Variants in LRRC42 observed in about 807,000 individuals in gnomAD.
The protein encoded by LRRC42 is leucine-rich repeat-containing protein 42.
LRRC42 carries 43 observed loss-of-function variants against 44.3 expected under a neutral mutation model. The observed-to-expected ratio is 0.97, with a 90% confidence interval of 0.76 to 1.25. LRRC42 has a LOEUF of 1.25. Ranked by LOEUF, LRRC42 falls within the 50% of genes most tolerant of loss-of-function variation. LRRC42 has a pLI of 0.00. For synonymous variants in LRRC42, 207 were observed against 195.2 expected (o/e 1.06, Z -0.50); for missense variants, 540 against 509.1 (o/e 1.06, Z -0.58).
chr1:53,966,341 C>T lies in LRRC42; in HGVS notation c.973C>T (p.Arg325Trp), dbSNP rs547841970. Reference sequence around the variant, plus strand: ...TGTGACTGCGGAAGCTGTGAAGCCACGGGAGACCTCGGAGCCTAGAGCAGC... The same window carrying T: ...TGTGACTGCGGAAGCTGTGAAGCCATGGGAGACCTCGGAGCCTAGAGCAGC... Reference protein sequence around the residue: ...ERVTAEAVKPRETSEPRAAAQ... With the variant: ...ERVTAEAVKPWETSEPRAAAQ... Residue 325 changes from arginine to tryptophan, a missense_variant, in exon 8 of 9, where the codon CGG becomes TGG. Physicochemically the swap from Arg to Trp is moderately radical, Grantham distance 101. Coordinates refer to ENST00000371370, the MANE Select transcript of LRRC42 (RefSeq NM_001256409.2). 26 of 1,613,948 alleles carry T rather than the reference C, an allele frequency of 1.6e-5. No individual in the cohort carries two copies. The Admixed American group carries it at 2.5e-4, about 16-fold the overall frequency.
At chr1:53,963,942 T>TTCCCCCCCCCC (rs1367185841) in intron 7 of LRRC42, among the ~76,000 whole-genome samples, 2 of 38,100 alleles carry the variant, frequency 5.2e-5, no homozygotes, top group Non-Finnish European at 5.9e-5. Context: ...TTTCCCCTCC[T>TTCCCCCCCCCC]GCCCACCCCC....
At chr1:53,959,789 T>C (rs1654945161) in intron 4 of LRRC42, among the ~76,000 whole-genome samples, 1 of 152,228 alleles carries the variant, frequency 6.6e-6, no homozygotes, top group Non-Finnish European at 1.5e-5. Context: ...TTTTAAAGTA[T>C]ATTTATCCCC....
chr1:53,957,905 CATTT>C (rs201223513), intron 3 of LRRC42, among the ~76,000 whole-genome samples: 100 of 152,120 alleles, frequency 6.6e-4, no homozygotes, highest in Admixed American at 1.8e-3. Flanking sequence ...TGCTAATATA[CATTT>C]ATTTATTTAT....
At chr1:53,963,550 A>T (rs1386421721) in intron 7 of LRRC42, among the ~76,000 whole-genome samples, 1 of 152,258 alleles carries the variant, frequency 6.6e-6, no homozygotes, top group African/African-American at 2.4e-5. Flanking sequence ...TCTCTTGAGC[A>T]GGGCTCAGGA....
chr1:53,954,208 A>G (rs1194851583), intron 3 of LRRC42, among the ~76,000 whole-genome samples: 2 of 152,238 alleles, frequency 1.3e-5, no homozygotes, highest in African/African-American at 2.4e-5. Context: ...CACAGGCCAA[A>G]TACTGTATTT....
At chr1:53,954,862 A>G (rs1654787079) in intron 3 of LRRC42, among the ~76,000 whole-genome samples, 2 of 152,232 alleles carry the variant, frequency 1.3e-5, no homozygotes, top group African/African-American at 2.4e-5. Flanking sequence ...CCTTGAAAAC[A>G]TCCATACTAT....
intron 4 of LRRC42, among the ~76,000 whole-genome samples, chr1:53,958,668 C>T (rs1439190904): frequency 6.6e-6 from 1 of 152,190 alleles, no homozygotes; most frequent in Admixed American, 6.5e-5. Flanking sequence ...CTCACCGCAA[C>T]CTCCACCTCC....
Position 53,965,021 on chromosome 1 carries a change from T to C in LRRC42, c.928-1275T>C, listed in dbSNP as rs533786223. Reference sequence around the variant, plus strand: ...TTGTTTTTTTTTGTTTTTTTTTTTTTTGGAGACAGAGTCTCGCTCTGTCGC... The same window carrying C: ...TTGTTTTTTTTTGTTTTTTTTTTTTCTGGAGACAGAGTCTCGCTCTGTCGC... On this transcript the variant is annotated intron_variant, in intron 7 of 8. Transcript: ENST00000371370. 4.5e-4 allele frequency among the ~76,000 whole-genome samples: 68 copies of C among 150,600 alleles called. 1 individual carries two copies. The highest frequency in any genetic ancestry group is 1.6e-3 in the African/African-American group (63 of 40,570).
intron 2 of LRRC42, among the ~76,000 whole-genome samples, chr1:53,950,186 G>C (rs1654633169): frequency 6.6e-6 from 1 of 152,188 alleles, no homozygotes; most frequent in Admixed American, 6.5e-5. Context: ...CCAGAAGAGG[G>C]ACGAAGTTAA....
In LRRC42 at chr1:53,962,338, CT is replaced by C. The variant is rs1557648499; in HGVS notation, c.858del (p.Val287PhefsTer7). 2 of 1,614,214 alleles carry C rather than the reference CT, an allele frequency of 1.2e-6. No individual in the cohort carries two copies. Among genetic ancestry groups the C allele is most frequent in the South Asian group, 2.2e-5 (2 of 91,090 alleles). On this transcript the variant is annotated frameshift_variant, in exon 7 of 9. Transcript: ENST00000371370. LOFTEE classifies it high-confidence loss of function. ...VKHKLQTHIG[L>X]VHSKVPLKEF... ...GCACAAGCTCCAGACCCACATAGGC[CT>C]TGTTCACTCCAAAGTGCCTTTGAAG...
intron 3 of LRRC42, among the ~76,000 whole-genome samples, chr1:53,954,623 G>T (rs1654781938): frequency 6.6e-6 from 1 of 151,982 alleles, no homozygotes; most frequent in South Asian, 2.1e-4. Context: ...TATACATTTG[G>T]GAATATATAC....
chr1:53,958,392 C>T (rs1185106339), intron 4 of LRRC42, 112 bp downstream of exon 4: 4 of 1,358,994 alleles, frequency 2.9e-6, no homozygotes, highest in Non-Finnish European at 4.0e-6. Flanking sequence ...TGTTGATTTG[C>T]TTTTTTTTCC....
At chr1:53,964,222 T>C (rs1265424942) in intron 7 of LRRC42, among the ~76,000 whole-genome samples, 9 of 151,918 alleles carry the variant, frequency 5.9e-5, no homozygotes, top group African/African-American at 1.5e-4. Flanking sequence ...GCATGACTTA[T>C]GTATTTTTCT....
intron 8 of LRRC42, 99 bp from the exon 9 acceptor site, chr1:53,967,564 CCT>C: frequency 3.6e-6 from 4 of 1,122,492 alleles, no homozygotes; most frequent in Non-Finnish European, 5.2e-6. Context: ...CAGATATCAC[CCT>C]GTTTGGGCCT....
intron 6 of LRRC42, 59 bp from the exon 7 acceptor site, chr1:53,962,237 A>G (rs993359013): frequency 6.8e-7 from 1 of 1,481,204 alleles, no homozygotes; most frequent in African/African-American, 1.4e-5. Flanking sequence ...TTTACTACTG[A>G]AAACAAGTAA....
intron 4 of LRRC42, 79 bp downstream of exon 4, chr1:53,958,359 A>G (rs2100925563): frequency 6.5e-7 from 1 of 1,545,800 alleles, no homozygotes; most frequent in East Asian, 2.3e-5. Flanking sequence ...ATCTTCAGGA[A>G]TGCTGATTAC....
intron 8 of LRRC42, among the ~76,000 whole-genome samples, chr1:53,966,876 C>T (rs572022271): frequency 1.3e-5 from 2 of 152,072 alleles, no homozygotes; most frequent in East Asian, 3.9e-4. Flanking sequence ...TATAAGGTAC[C>T]TAGAATAGTT....
At chr1:53,959,062 TAG>T (rs1654926601) in intron 4 of LRRC42, among the ~76,000 whole-genome samples, 4 of 152,150 alleles carry the variant, frequency 2.6e-5, no homozygotes, top group Admixed American at 6.5e-5. Context: ...TTTGTACTTT[TAG>T]TAGAGACGGG....
In LRRC42 at chr1:53,967,333, A is replaced by T. The variant is rs191877423; in HGVS notation, c.1013-332A>T. Among the ~76,000 whole-genome samples the T allele has an allele frequency of 5.8e-3, 885 of 152,260 alleles. 6 individuals are homozygous for T. Among genetic ancestry groups the T allele is most frequent in the African/African-American group, 0.02 (843 of 41,548 alleles). On this transcript the variant is annotated intron_variant, in intron 8 of 8. Transcript: ENST00000371370. ...TTGTGCTAATCACTTTATGTACATG[A>T]TCTCATGTATCTTCATATCACCCTT...
Sources: gnomAD v4.1 joint callset for allele counts (sites outside exome capture counted in the v4.1 genomes callset) on GRCh38, gnomAD v4.1.1 for gene constraint, MANE v1.5 for transcripts, NCBI Gene and HGNC (gene_info 2026-07-23, HGNC 2026-07-21) for gene names.